The following NRCAM variants were observed in gnomAD, a reference collection of about 807,000 sequenced individuals.
NRCAM encodes the protein neuronal cell adhesion molecule.
In NRCAM, 83 loss-of-function variants were observed where a neutral mutation model predicts 156.5. The ratio of observed to expected loss-of-function variants is 0.53; its 90% CI spans 0.44 to 0.64. The LOEUF is 0.64. Ranked by LOEUF, NRCAM falls within the 30% of genes least tolerant of loss-of-function variation. The pLI, the probability that NRCAM is intolerant of heterozygous loss-of-function variation, is 0.00. For missense variants in NRCAM, 1,417 were observed against 1,597.3 expected (o/e 0.89, Z 1.92); for synonymous variants, 538 against 563.9 (o/e 0.95, Z 0.65).
At chr7:108,398,924 T>C (rs889861243) in intron 2 of NRCAM, among the ~76,000 whole-genome samples, 3 of 152,200 alleles carry the variant, frequency 2.0e-5, no homozygotes, top group Non-Finnish European at 4.4e-5. Context: ...GGGAAAAATA[T>C]ATTGGTGGGT....
intron 11 of NRCAM, among the ~76,000 whole-genome samples, chr7:108,217,111 C>T (rs1476483442): frequency 2.6e-5 from 4 of 152,082 alleles, no homozygotes; most frequent in South Asian, 2.1e-4. Context: ...TGTGTGGACG[C>T]CCTTTTTGTT....
intron 2 of NRCAM, among the ~76,000 whole-genome samples, chr7:108,323,281 G>T (rs1269933479): frequency 6.6e-6 from 1 of 152,072 alleles, no homozygotes; most frequent in Admixed American, 6.6e-5. Context: ...TTTGAAAATC[G>T]TTACTTTGGA....
intron 1 of NRCAM, among the ~76,000 whole-genome samples, chr7:108,428,125 GAAAT>G (rs924842905): frequency 1.3e-5 from 2 of 152,114 alleles, no homozygotes; most frequent in African/African-American, 4.8e-5. Flanking sequence ...CATAAAAATA[GAAAT>G]GATATAAAAA....
chr7:108,338,142 G>A (rs1004922018), intron 2 of NRCAM, among the ~76,000 whole-genome samples: 17 of 152,324 alleles, frequency 1.1e-4, no homozygotes, highest in Admixed American at 5.2e-4. Context: ...CCAAATTCCC[G>A]GCAGTAGCCG....
intron 13 of NRCAM, among the ~76,000 whole-genome samples, chr7:108,203,825 T>C (rs2079517768): frequency 6.6e-6 from 1 of 152,204 alleles, no homozygotes; most frequent in Non-Finnish European, 1.5e-5. Context: ...CCACCTGCAA[T>C]TTCTGCAGTC....
At chr7:108,429,483 C>A (rs1041639183) in intron 1 of NRCAM, among the ~76,000 whole-genome samples, 1 of 152,210 alleles carries the variant, frequency 6.6e-6, no homozygotes, top group African/African-American at 2.4e-5. Flanking sequence ...TGAGCCATTG[C>A]GCCCAGCCCG....
At chr7:108,228,702 TA>T (rs1416995346) in intron 8 of NRCAM, among the ~76,000 whole-genome samples, 2 of 152,228 alleles carry the variant, frequency 1.3e-5, no homozygotes, top group Non-Finnish European at 2.9e-5. Context: ...TATGTCTCTT[TA>T]TTAAGCAAAA....
chr7:108,423,448 T>G (rs1217671667), intron 1 of NRCAM, among the ~76,000 whole-genome samples: 2 of 151,918 alleles, frequency 1.3e-5, no homozygotes, highest in African/African-American at 2.4e-5. Flanking sequence ...ACACATAAAA[T>G]GAGAAAATCA....
intron 8 of NRCAM, among the ~76,000 whole-genome samples, chr7:108,228,174 T>A (rs1020686870): frequency 3.3e-5 from 5 of 151,918 alleles, no homozygotes; most frequent in Non-Finnish European, 7.4e-5. Context: ...ATACGAAAAT[T>A]AGCCAGGCGT....
chr7:108,338,191 G>C (rs1352767958), intron 2 of NRCAM, among the ~76,000 whole-genome samples: 1 of 152,228 alleles, frequency 6.6e-6, no homozygotes, highest in Non-Finnish European at 1.5e-5. Context: ...CTACTCAACA[G>C]TCACCCATGC....
At chr7:108,440,061 C>T (rs531041953) in intron 1 of NRCAM, among the ~76,000 whole-genome samples, 6 of 152,000 alleles carry the variant, frequency 3.9e-5, no homozygotes, top group Admixed American at 2.0e-4. Context: ...AGGACTTGTA[C>T]GCTAATATTC....
At chr7:108,362,683 G>T (rs2099566316) in intron 2 of NRCAM, among the ~76,000 whole-genome samples, 1 of 152,182 alleles carries the variant, frequency 6.6e-6, no homozygotes, top group Non-Finnish European at 1.5e-5. Context: ...GAAAGGGGAA[G>T]AGGCTAGAAA....
chr7:108,431,308 G>A (rs1016970374), intron 1 of NRCAM, among the ~76,000 whole-genome samples: 14 of 152,122 alleles, frequency 9.2e-5, no homozygotes, highest in African/African-American at 3.4e-4. Context: ...ACAGGGTCTG[G>A]TCATGCTGCC....
intron 2 of NRCAM, among the ~76,000 whole-genome samples, chr7:108,340,522 C>T (rs2099264040): frequency 2.0e-5 from 3 of 152,164 alleles, no homozygotes; most frequent in Admixed American, 2.0e-4. Flanking sequence ...GTATCTCAGT[C>T]AGGTCAATGA....
chr7:108,378,813 G>A (rs1404946005), intron 2 of NRCAM, among the ~76,000 whole-genome samples: 1 of 151,464 alleles, frequency 6.6e-6, no homozygotes, highest in Non-Finnish European at 1.5e-5. Context: ...GACAAAGTAG[G>A]AAGAAAGAAT....
At chr7:108,276,519 T>G (rs552368521) in intron 3 of NRCAM, among the ~76,000 whole-genome samples, 12 of 152,272 alleles carry the variant, frequency 7.9e-5, no homozygotes, top group East Asian at 5.8e-4. Flanking sequence ...ATCTTTGTTG[T>G]TTTAAAGTCT....
rs531531409 is a variant in NRCAM at position 108,338,683 on chromosome 7, GAGAA to G, written c.-173-25956_-173-25953del. Among the ~76,000 whole-genome samples the G allele has an allele frequency of 1.1e-4, 16 of 152,048 alleles. No individual in the cohort carries two copies. In the South Asian group the frequency reaches 2.7e-3, roughly 26 times the overall value. On this transcript the variant is annotated intron_variant, in intron 2 of 32. Coordinates refer to ENST00000379028, the MANE Select transcript of NRCAM (RefSeq NM_001037132.4). ...AGAGAGACAAAGAGGGAGTCAAAGA[GAGAA>G]AGAAAGAAAAAGAAATAGTAGAAAA...
intron 23 of NRCAM, 25 bp downstream of exon 23, chr7:108,182,670 A>T: frequency 1.2e-6 from 2 of 1,602,896 alleles, no homozygotes; most frequent in Admixed American, 1.7e-5. Flanking sequence ...TTTGCTGGGG[A>T]AAAGTAGGAA....
intron 3 of NRCAM, 88 bp from the exon 4 acceptor site, chr7:108,240,258 C>T (rs773621329): frequency 2.2e-5 from 10 of 464,594 alleles, no homozygotes; most frequent in Admixed American, 3.7e-5. Context: ...GAGAACTAGC[C>T]GTGTATTATA....
Sources: gnomAD v4.1 joint callset for allele counts (sites outside exome capture counted in the v4.1 genomes callset) on GRCh38, gnomAD v4.1.1 for gene constraint, MANE v1.5 for transcripts, NCBI Gene and HGNC (gene_info 2026-07-23, HGNC 2026-07-21) for gene names.